Variants in ZNF423 observed in about 807,000 individuals in gnomAD.
ZNF423 encodes the protein zinc finger protein 423.
ZNF423 carries 12 observed loss-of-function variants against 95.8 expected under a neutral mutation model. The ratio of observed to expected loss-of-function variants is 0.13; its 90% CI spans 0.08 to 0.20. The LOEUF (loss-of-function observed/expected upper bound fraction) is 0.20. ZNF423 is among the 10% of genes least tolerant of loss of function. The pLI, the probability that ZNF423 is intolerant of heterozygous loss-of-function variation, is 1.00. For synonymous variants in ZNF423, 749 were observed against 711.9 expected (o/e 1.05, Z -0.83); for missense variants, 1,316 against 1,737.1 (o/e 0.76, Z 4.31).
intron 2 of ZNF423, among the ~76,000 whole-genome samples, chr16:49,776,760 A>G (rs1455081773): frequency 6.6e-6 from 1 of 152,238 alleles, no homozygotes. Flanking sequence ...ACTGGGCCCA[A>G]GTGCAGGGGT....
rs1027727775 is a variant in ZNF423 at position 49,691,851 on chromosome 16, G to A, written c.301+38920C>T. ...CATTATGCAGTGACTATAAGCCTGG[G>A]GCTGAGCACTTGGCCTCCTCCTGCT... On this transcript the variant is annotated intron_variant, in intron 3 of 7. Transcript: ENST00000563137. Among the ~76,000 whole-genome samples, 12 of 152,226 alleles carry A rather than the reference G, an allele frequency of 7.9e-5. No homozygotes were observed. In the East Asian group the frequency reaches 9.6e-4, roughly 12 times the overall value.
chr16:49,742,139 C>A (rs1381754940), intron 2 of ZNF423, among the ~76,000 whole-genome samples: 2 of 152,222 alleles, frequency 1.3e-5, no homozygotes, highest in Non-Finnish European at 2.9e-5. Context: ...CATTTGGTCA[C>A]AAGGACCTTG....
chr16:49,757,499 G>A (rs796316954), intron 2 of ZNF423, among the ~76,000 whole-genome samples: 18 of 152,336 alleles, frequency 1.2e-4, no homozygotes, highest in African/African-American at 4.1e-4. Context: ...CCTGCATGGT[G>A]AGGACTGCAG....
chr16:49,678,845 A>G (rs959949557), intron 3 of ZNF423, among the ~76,000 whole-genome samples: 10 of 152,234 alleles, frequency 6.6e-5, no homozygotes, highest in Non-Finnish European at 1.3e-4. Flanking sequence ...GTGAATGAAT[A>G]CAAATCATGA....
chr16:49,719,657 C>G (rs998165319), intron 3 of ZNF423, among the ~76,000 whole-genome samples: 1 of 152,154 alleles, frequency 6.6e-6, no homozygotes, highest in South Asian at 2.1e-4. Flanking sequence ...GCACCTCCCC[C>G]TCACCCTATC....
chr16:49,777,635 G>GT (rs1414582501), intron 2 of ZNF423, among the ~76,000 whole-genome samples: 1 of 152,216 alleles, frequency 6.6e-6, no homozygotes, highest in Non-Finnish European at 1.5e-5. Flanking sequence ...CCAAGATGCA[G>GT]TAAGTCTCCA....
chr16:49,798,618 TA>T (rs1370801718), intron 1 of ZNF423, among the ~76,000 whole-genome samples: 1 of 151,686 alleles, frequency 6.6e-6, no homozygotes, highest in African/African-American at 2.4e-5. Flanking sequence ...CAATTTTTTT[TA>T]AAAAAATTAA....
At chr16:49,595,650 C>G (rs1971157408) in intron 5 of ZNF423, among the ~76,000 whole-genome samples, 1 of 152,200 alleles carries the variant, frequency 6.6e-6, no homozygotes, top group African/African-American at 2.4e-5. Flanking sequence ...AAACCAAACC[C>G]AGATTCACTA....
At chr16:49,783,203 G>A (rs1485841224) in intron 2 of ZNF423, among the ~76,000 whole-genome samples, 1 of 151,684 alleles carries the variant, frequency 6.6e-6, no homozygotes, top group Non-Finnish European at 1.5e-5. Flanking sequence ...TGGGATGGGC[G>A]GGAGAGACAG....
intron 1 of ZNF423, among the ~76,000 whole-genome samples, chr16:49,805,589 C>T (rs1467079279): frequency 2.0e-5 from 3 of 152,140 alleles, no homozygotes; most frequent in African/African-American, 7.2e-5. Flanking sequence ...TGTACCTTCT[C>T]AAAATAAGGC....
intron 7 of ZNF423, among the ~76,000 whole-genome samples, chr16:49,507,487 T>C (rs1477726894): frequency 2.4e-5 from 3 of 123,048 alleles, no homozygotes; most frequent in African/African-American, 1.1e-4. Context: ...GAAACAAAGA[T>C]GGCGCCACAG....
At chr16:49,670,330 C>G (rs111383226) in intron 3 of ZNF423, among the ~76,000 whole-genome samples, 2 of 152,360 alleles carry the variant, frequency 1.3e-5, no homozygotes, top group South Asian at 4.1e-4. Flanking sequence ...CAGATGCCCA[C>G]AGATGGAAGC....
At chr16:49,606,353 T>C (rs1971536963) in intron 5 of ZNF423, among the ~76,000 whole-genome samples, 7 of 151,784 alleles carry the variant, frequency 4.6e-5, no homozygotes, top group Admixed American at 4.6e-4. Flanking sequence ...GAGGAAATGG[T>C]GTCATGCCAA....
intron 5 of ZNF423, among the ~76,000 whole-genome samples, chr16:49,605,094 C>T (rs12919547): frequency 0.22 from 32,957 of 152,036 alleles, 3,848 homozygotes; most frequent in South Asian, 0.35. Flanking sequence ...GAAATAGTCC[C>T]GGCCCTGGGT....
At chr16:49,522,421 C>T (rs970020107) in intron 7 of ZNF423, among the ~76,000 whole-genome samples, 4 of 152,078 alleles carry the variant, frequency 2.6e-5, no homozygotes, top group African/African-American at 9.7e-5. Context: ...ATGGACCCTC[C>T]GTGGGCCTGG....
At chr16:49,767,662 T>C (rs1567333987) in intron 2 of ZNF423, among the ~76,000 whole-genome samples, 1 of 152,218 alleles carries the variant, frequency 6.6e-6, no homozygotes, top group Non-Finnish European at 1.5e-5. Flanking sequence ...GAGTTAGGCC[T>C]CATCCTTTAA....
At chr16:49,549,362 C>T (rs986460682) in intron 5 of ZNF423, among the ~76,000 whole-genome samples, 4 of 152,326 alleles carry the variant, frequency 2.6e-5, no homozygotes, top group East Asian at 3.9e-4. Context: ...AGGTCCCATC[C>T]GGCCTCCAGC....
At chr16:49,683,636 G>A (rs771252258) in intron 3 of ZNF423, among the ~76,000 whole-genome samples, 15 of 152,190 alleles carry the variant, frequency 9.9e-5, no homozygotes, top group East Asian at 1.9e-4. Flanking sequence ...AAAAGAAACC[G>A]GGAGGAAGAG....
At chr16:49,760,915 A>AACACAC (rs112034770) in intron 2 of ZNF423, among the ~76,000 whole-genome samples, 12 of 148,288 alleles carry the variant, frequency 8.1e-5, no homozygotes, top group South Asian at 4.3e-4. Context: ...ACCTCCCTCC[A>AACACAC]ACACACACAC....
Sources: allele counts gnomAD v4.1 joint callset (sites outside exome capture counted in the v4.1 genomes callset), GRCh38; gene constraint gnomAD v4.1.1; transcripts MANE v1.5; gene names NCBI Gene and HGNC (gene_info 2026-07-23, HGNC 2026-07-21).